Variants in APBA1 observed in about 807,000 individuals in gnomAD.
APBA1 encodes amyloid-beta A4 precursor protein-binding family A member 1.
APBA1 carries 55 observed loss-of-function variants against 86.6 expected under a neutral mutation model. The ratio of observed to expected loss-of-function variants is 0.64; its 90% CI spans 0.51 to 0.80. APBA1 has a LOEUF of 0.80. Ranked by LOEUF, APBA1 falls within the 30% of genes least tolerant of loss-of-function variation. The pLI, the probability that APBA1 is intolerant of heterozygous loss-of-function variation, is 0.00. For missense variants in APBA1, 1,090 were observed against 1,183.0 expected, an observed-to-expected ratio of 0.92 and a Z score of 1.15; for synonymous variants, 511 against 493.9, an observed-to-expected ratio of 1.03 and a Z score of -0.46.
intron 1 of APBA1, among the ~76,000 whole-genome samples, chr9:69,641,064 T>C (rs892400137): frequency 4.6e-5 from 7 of 152,010 alleles, no homozygotes; most frequent in Non-Finnish European, 7.4e-5. Context: ...ATGTAGAAAA[T>C]ACCGAGGAAT....
At chr9:69,606,032 G>A (rs747371653) in intron 1 of APBA1, among the ~76,000 whole-genome samples, 26 of 152,210 alleles carry the variant, frequency 1.7e-4, no homozygotes, top group Non-Finnish European at 1.5e-4. Context: ...GCAGAGTCCT[G>A]CCAACAGGCT....
At chr9:69,657,919 C>T (rs1018783199) in intron 1 of APBA1, among the ~76,000 whole-genome samples, 1 of 152,096 alleles carries the variant, frequency 6.6e-6, no homozygotes, top group African/African-American at 2.4e-5. Flanking sequence ...AGAGAATATT[C>T]ACAAACAAAA....
chr9:69,546,308 A>G (rs1217591418), intron 1 of APBA1, among the ~76,000 whole-genome samples: 1 of 152,198 alleles, frequency 6.6e-6, no homozygotes, highest in African/African-American at 2.4e-5. Context: ...AGGTCAGTCT[A>G]CTTCAGTGCT....
intron 5 of APBA1, among the ~76,000 whole-genome samples, chr9:69,458,487 G>A (rs180715324): frequency 2.0e-5 from 3 of 152,198 alleles, no homozygotes; most frequent in East Asian, 1.9e-4. Context: ...TTTATTGTAC[G>A]CCTGGTTTTC....
At chr9:69,474,963 G>A (rs1303950802) in intron 3 of APBA1, among the ~76,000 whole-genome samples, 1 of 152,176 alleles carries the variant, frequency 6.6e-6, no homozygotes, top group Non-Finnish European at 1.5e-5. Flanking sequence ...CGTTCATCAT[G>A]TGGTTTACCT....
Position 69,456,476 on chromosome 9 carries a change from A to G in APBA1, c.1603-44T>C, listed in dbSNP as rs374525521. 5.2e-6 allele frequency: 8 copies of G among 1,528,972 alleles called. No individual in the cohort carries two copies. In the African/African-American group the frequency reaches 9.7e-5, roughly 19 times the overall value. The allele number at this position is 1,528,972 out of a possible 1,614,324, so 94.7% of individuals were successfully genotyped here. On this transcript the variant is annotated intron_variant, in intron 7 of 12. Transcript: ENST00000265381. ...GGCGGGTAAGTCCAGCTCAGCATCT[A>G]ATGACCTAAGAAAGCGCCTGCCACC...
chr9:69,471,669 T>C lies in APBA1; in HGVS notation c.1323A>G (p.Pro441=). The part of the protein sequence containing the change: ...KESRKSLASF[P]TYVEVPGPCD... The stretch of plus-strand genomic sequence containing the variant: ...TTCAGCTCTTACCTTCAACGTAGGT[T>C]GGGAATGAAGCCAAGCTTTTTCTTG... The change falls in exon 4 of 13, where the codon CCA becomes CCG. Residue 441 remains proline, a synonymous_variant. Coordinates refer to ENST00000265381, the MANE Select transcript of APBA1 (RefSeq NM_001163.4). The C allele has an allele frequency of 6.2e-7, 1 of 1,613,738 alleles. No individual in the cohort carries two copies. The highest frequency in any genetic ancestry group is 8.5e-7 in the Non-Finnish European group (1 of 1,179,866).
At chr9:69,515,940 A>G in intron 2 of APBA1, 71 bp downstream of exon 2, 3 of 1,448,740 alleles carry the variant, frequency 2.1e-6, no homozygotes, top group Non-Finnish European at 1.8e-6. Context: ...CCAAGGGCAC[A>G]CAAGGCCATG....
At chr9:69,476,254 A>G in intron 2 of APBA1, 111 bp from the exon 3 acceptor site, 1 of 702,442 alleles carries the variant, frequency 1.4e-6, no homozygotes, top group Non-Finnish European at 2.4e-6. Context: ...TCGAACAGAC[A>G]CTGCAGTGGG....
At chr9:69,665,684 T>C (rs1440461837) in intron 1 of APBA1, among the ~76,000 whole-genome samples, 3 of 152,126 alleles carry the variant, frequency 2.0e-5, no homozygotes, top group Non-Finnish European at 4.4e-5. Context: ...AAGAGAGCAA[T>C]ATTTAAAGAA....
At chr9:69,523,534 GACACAC>G (rs377194151) in intron 1 of APBA1, among the ~76,000 whole-genome samples, 4 of 103,150 alleles carry the variant, frequency 3.9e-5, no homozygotes, top group Non-Finnish European at 5.7e-5. Flanking sequence ...TATATATATA[GACACAC>G]ACACACACAC....
At chr9:69,667,839 C>T (rs183014457) in intron 1 of APBA1, among the ~76,000 whole-genome samples, 7 of 152,184 alleles carry the variant, frequency 4.6e-5, no homozygotes, top group Admixed American at 4.6e-4. Flanking sequence ...CTCCCTTCAA[C>T]CCTTGCCCCT....
intron 11 of APBA1, 87 bp downstream of exon 11, chr9:69,440,909 T>G (rs1469865083): frequency 1.3e-6 from 2 of 1,507,828 alleles, no homozygotes; most frequent in Admixed American, 1.8e-5. Context: ...CTGTTCCTAT[T>G]TAGCCATCTT....
At chr9:69,577,167 A>G (rs1821820107) in intron 1 of APBA1, among the ~76,000 whole-genome samples, 1 of 152,210 alleles carries the variant, frequency 6.6e-6, no homozygotes, top group Non-Finnish European at 1.5e-5. Flanking sequence ...TGGAAACTAT[A>G]TATTATTGTT....
At position 69,467,978 on chromosome 9, in the gene APBA1, A is replaced by G. The variant is rs1264168557; in HGVS notation, c.1337-10T>C. 11 of 1,613,374 alleles carry G rather than the reference A, an allele frequency of 6.8e-6. No homozygotes were observed. Among genetic ancestry groups the G allele is most frequent in the Middle Eastern group, 1.6e-4 (1 of 6,076 alleles). The stretch of plus-strand genomic sequence containing the variant: ...TCGCAGGGTCCCGGAACTGTAACAC[A>G]TAGAGCCACAGTGAGGAAGCCATCC... On this transcript the variant is annotated splice_polypyrimidine_tract_variant and intron_variant, in intron 4 of 12. Coordinates refer to ENST00000265381, the MANE Select transcript of APBA1 (RefSeq NM_001163.4).
intron 1 of APBA1, among the ~76,000 whole-genome samples, chr9:69,587,242 C>G (rs555927579): frequency 7.2e-4 from 109 of 152,338 alleles, no homozygotes; most frequent in Admixed American, 6.9e-3. Context: ...CAATGGGTCA[C>G]ATTCCTTTCA....
chr9:69,588,763 C>A (rs1284705706), intron 1 of APBA1, among the ~76,000 whole-genome samples: 1 of 152,162 alleles, frequency 6.6e-6, no homozygotes, highest in Non-Finnish European at 1.5e-5. Flanking sequence ...AGGAGCTTTA[C>A]ATAGATTATC....
intron 1 of APBA1, among the ~76,000 whole-genome samples, chr9:69,531,178 C>T (rs1278207615): frequency 6.6e-6 from 1 of 152,168 alleles, no homozygotes; most frequent in African/African-American, 2.4e-5. Flanking sequence ...ACTAGCCCCA[C>T]TTCGAGTTTG....
intron 2 of APBA1, among the ~76,000 whole-genome samples, chr9:69,498,502 A>C (rs1395801608): frequency 6.6e-6 from 1 of 152,146 alleles, no homozygotes; most frequent in Non-Finnish European, 1.5e-5. Flanking sequence ...GACACTAAAT[A>C]AGGATTCAGA....
Sources: allele counts gnomAD v4.1 joint callset (sites outside exome capture counted in the v4.1 genomes callset), GRCh38; gene constraint gnomAD v4.1.1; transcripts MANE v1.5; gene names NCBI Gene and HGNC (gene_info 2026-07-23, HGNC 2026-07-21).